The following GRIK2 variants were observed in gnomAD, a reference collection of about 807,000 sequenced individuals.
GRIK2 encodes the protein glutamate ionotropic receptor kainate type subunit 2.
GRIK2 carries 32 observed loss-of-function variants against 100.3 expected under a neutral mutation model. The observed-to-expected ratio is 0.32, with a 90% CI of 0.24 to 0.43. The LOEUF (loss-of-function observed/expected upper bound fraction) is 0.43. GRIK2 is among the 20% of genes least tolerant of loss of function. GRIK2 has a pLI of 1.00. For missense variants in GRIK2, 843 were observed against 1,114.9 expected, an observed-to-expected ratio of 0.76 and a Z score of 3.47; for synonymous variants, 417 against 389.4, an observed-to-expected ratio of 1.07 and a Z score of -0.83.
At chr6:101,822,803 C>T (rs865911055) in intron 10 of GRIK2, among the ~76,000 whole-genome samples, 5 of 151,874 alleles carry the variant, frequency 3.3e-5, no homozygotes, top group African/African-American at 9.7e-5. Context: ...TTACTCATGG[C>T]CATACAACTA....
intron 2 of GRIK2, among the ~76,000 whole-genome samples, chr6:101,548,735 G>A (rs1776369808): frequency 6.6e-6 from 1 of 152,128 alleles, no homozygotes; most frequent in African/African-American, 2.4e-5. Flanking sequence ...TATAGCATTT[G>A]TTGAGTGCTT....
At chr6:101,594,884 C>CT (rs913099283) in intron 2 of GRIK2, among the ~76,000 whole-genome samples, 4 of 151,084 alleles carry the variant, frequency 2.6e-5, no homozygotes, top group Admixed American at 2.0e-4. Flanking sequence ...GTTTTTTTCT[C>CT]TTTTTTTTCT....
At chr6:101,663,137 T>G (rs1769754461) in intron 4 of GRIK2, among the ~76,000 whole-genome samples, 1 of 152,140 alleles carries the variant, frequency 6.6e-6, no homozygotes, top group Non-Finnish European at 1.5e-5. Flanking sequence ...AGCTCTTTCA[T>G]CAATGTCAAC....
chr6:102,060,729 A>G (rs1400868201), intron 16 of GRIK2, among the ~76,000 whole-genome samples: 1 of 150,772 alleles, frequency 6.6e-6, no homozygotes, highest in Admixed American at 6.6e-5. Context: ...CATTTGATGT[A>G]AGAAATTTTA....
chr6:102,035,561 C>T lies in GRIK2; in HGVS notation c.2306C>T (p.Pro769Leu). The change falls in exon 15 of 17, where the codon CCC (proline) becomes CTC (leucine). Residue 769 changes from proline (P) to leucine (L), a missense_variant. Around this residue, in one of 3 missense-constraint regions of GRIK2, gnomAD observed 237 missense variants for 388.0 expected, o/e 0.61. Transcript: ENST00000369134. ...IDSKGYGVGTPMGSPYRDKIT... is the reference protein window; with the variant it reads ...IDSKGYGVGTLMGSPYRDKIT... ...TCTAAAGGTTATGGCGTTGGCACTC[C>T]CATGGGTAGGTTATATGTCAGCTCT... 2 of 1,563,558 alleles carry T rather than the reference C, an allele frequency of 1.3e-6. No individual in the cohort carries two copies. Among genetic ancestry groups the T allele is most frequent in the Non-Finnish European group, 1.8e-6 (2 of 1,135,680 alleles).
At chr6:101,450,028 A>T (rs1770588416) in intron 2 of GRIK2, among the ~76,000 whole-genome samples, 1 of 151,756 alleles carries the variant, frequency 6.6e-6, no homozygotes, top group Non-Finnish European at 1.5e-5. Flanking sequence ...TTATTCTAGT[A>T]AGTTTATTAA....
chr6:101,724,852 G>A (rs1347373611), intron 7 of GRIK2, among the ~76,000 whole-genome samples: 1 of 151,898 alleles, frequency 6.6e-6, no homozygotes, highest in East Asian at 1.9e-4. Flanking sequence ...AGGTTTGAGG[G>A]CTGAAATGAT....
chr6:101,514,214 T>G (rs973929354), intron 2 of GRIK2, among the ~76,000 whole-genome samples: 1 of 151,898 alleles, frequency 6.6e-6, no homozygotes, highest in Non-Finnish European at 1.5e-5. Context: ...ACTTTGATTC[T>G]TATATCATAC....
chr6:101,707,596 ATATATGTGTG>A (rs1254941931), intron 7 of GRIK2, among the ~76,000 whole-genome samples: 14 of 134,716 alleles, frequency 1.0e-4, no homozygotes, highest in African/African-American at 3.8e-4. Flanking sequence ...GTGTGTGTGT[ATATATGTGTG>A]TATATATATA....
At position 101,929,980 on chromosome 6, in the gene GRIK2, G is replaced by A. The variant is rs989017921; in HGVS notation, c.2085+1348G>A. Reference sequence around the variant, plus strand: ...TGCGATGGATCAGTTTTTCTTAATTGAATATTGAGAATTTATAAGATTTCC... The same window carrying A: ...TGCGATGGATCAGTTTTTCTTAATTAAATATTGAGAATTTATAAGATTTCC... On this transcript the variant is annotated intron_variant, in intron 14 of 16. Coordinates refer to ENST00000369134, the MANE Select transcript of GRIK2 (RefSeq NM_021956.5). Among the ~76,000 whole-genome samples the A allele has an allele frequency of 3.9e-5, 6 of 151,928 alleles. No individual in the cohort carries two copies. In the South Asian group the frequency reaches 1.2e-3, roughly 32 times the overall value.
chr6:101,784,829 C>T lies in GRIK2; in HGVS notation c.952-14819C>T, dbSNP rs556866468. Among the ~76,000 whole-genome samples, 4 of 152,286 alleles carry T rather than the reference C, an allele frequency of 2.6e-5. No homozygotes were observed. The South Asian group carries it at 6.2e-4, about 24-fold the overall frequency. On this transcript the variant is annotated intron_variant, in intron 7 of 16. Transcript: ENST00000369134. ...CTGAGGCCTCTCTAGCCATGCAGAA[C>T]TGATTCAATTAAACCTCTTTTGTTT... is the stretch of plus-strand genomic sequence containing the variant.
intron 2 of GRIK2, among the ~76,000 whole-genome samples, chr6:101,499,199 G>A (rs1773619062): frequency 6.6e-6 from 1 of 152,162 alleles, no homozygotes; most frequent in African/African-American, 2.4e-5. Flanking sequence ...TGTAAGATAG[G>A]TGTGTTCACA....
chr6:101,401,964 C>T (rs1284177689), intron 2 of GRIK2, among the ~76,000 whole-genome samples: 3 of 152,104 alleles, frequency 2.0e-5, no homozygotes, highest in Non-Finnish European at 4.4e-5. Context: ...CAGGCGCCTC[C>T]GCCGCGGCGC....
intron 4 of GRIK2, among the ~76,000 whole-genome samples, chr6:101,662,597 C>T (rs1249296868): frequency 6.6e-6 from 1 of 152,006 alleles, no homozygotes; most frequent in East Asian, 1.9e-4. Flanking sequence ...CCCATCTCTC[C>T]ACCAAACACC....
chr6:101,861,706 A>C (rs975802275), intron 11 of GRIK2, among the ~76,000 whole-genome samples: 2 of 152,172 alleles, frequency 1.3e-5, no homozygotes, highest in Non-Finnish European at 2.9e-5. Context: ...ATAAAATCAA[A>C]ACATTTTTGG....
intron 2 of GRIK2, among the ~76,000 whole-genome samples, chr6:101,551,753 C>CTA (rs1266942925): frequency 1.3e-5 from 2 of 152,090 alleles, no homozygotes; most frequent in African/African-American, 4.8e-5. Flanking sequence ...ATCTTTATGC[C>CTA]TATATATGTT....
At chr6:101,924,377 A>T (rs1388811526) in intron 12 of GRIK2, among the ~76,000 whole-genome samples, 1 of 152,206 alleles carries the variant, frequency 6.6e-6, no homozygotes, top group Non-Finnish European at 1.5e-5. Context: ...CAAATAATGT[A>T]TAGTAAGAAA....
chr6:101,683,933 A>G (rs1266544921), intron 6 of GRIK2, among the ~76,000 whole-genome samples: 1 of 152,152 alleles, frequency 6.6e-6, no homozygotes, highest in Non-Finnish European at 1.5e-5. Flanking sequence ...CAGTCTAACC[A>G]AAGTTTTCTT....
chr6:101,580,612 T>C (rs142825720), intron 2 of GRIK2, among the ~76,000 whole-genome samples: 1 of 152,120 alleles, frequency 6.6e-6, no homozygotes, highest in African/African-American at 2.4e-5. Flanking sequence ...ATAGCATTCT[T>C]CTGGAAAAAG....
Sources: gnomAD v4.1 joint callset for allele counts (sites outside exome capture counted in the v4.1 genomes callset) on GRCh38, gnomAD v4.1.1 for gene constraint, gnomAD v4.1.1 regional missense constraint, MANE v1.5 for transcripts, NCBI Gene and HGNC (gene_info 2026-07-23, HGNC 2026-07-21) for gene names.